The following ZFHX3 variants were observed in gnomAD, a reference collection of about 807,000 sequenced individuals.
The protein encoded by ZFHX3 is zinc finger homeobox protein 3.
Under a neutral mutation model 279.1 loss-of-function variants are expected in ZFHX3, and 42 were observed. That is an observed-to-expected ratio of 0.15 (90% CI 0.12 to 0.19). ZFHX3 has a LOEUF of 0.19. ZFHX3 is among the 10% of genes least tolerant of loss of function. The pLI is 1.00. For missense variants in ZFHX3, 4,981 were observed against 4,754.0 expected (o/e 1.05, Z -1.40); for synonymous variants, 2,293 against 1,957.8 (o/e 1.17, Z -4.52).
At chr16:72,843,074 G>C (rs1326654540) in intron 4 of ZFHX3, among the ~76,000 whole-genome samples, 1 of 152,144 alleles carries the variant, frequency 6.6e-6, no homozygotes, top group East Asian at 1.9e-4. Context: ...AGCAGATCTG[G>C]GAAGGAGGAA....
Position 72,794,404 on chromosome 16 carries a change from T to A in ZFHX3, c.8278A>T (p.Met2760Leu). 1.9e-6 allele frequency: 3 copies of A among 1,609,568 alleles called. No individual in the cohort carries two copies. The highest frequency in any genetic ancestry group is 2.5e-6 in the Non-Finnish European group (3 of 1,177,410). ...MLLDCDGGLQ[M>L]KGDIFDGTSF... Reference sequence around the variant, plus strand: ...GTTCCGTCAAAAATATCTCCTTTCATCTGGAGTCCCCCATCACAGTCTAAG... The same window carrying A: ...GTTCCGTCAAAAATATCTCCTTTCAACTGGAGTCCCCCATCACAGTCTAAG... The change falls in exon 9 of 10, where the codon ATG (methionine) becomes TTG (leucine). Residue 2760 changes from methionine to leucine, a missense_variant. Met to Leu is a conservative substitution (Grantham distance 15, BLOSUM62 2). Coordinates refer to ENST00000268489, the MANE Select transcript of ZFHX3 (RefSeq NM_006885.4). This position sits in a 1 kb window ranked among gnomAD's most constrained non-coding sequence, Gnocchi z 4.2.
At position 73,266,419 on chromosome 16, in the gene ZFHX3, C is replaced by G. The variant is rs79341395; in HGVS notation, c.-1193-9283G>C. The stretch of plus-strand genomic sequence containing the variant: ...TACATACAAGATAACATCTATACTT[C>G]CCTTTTGAGATTCAAGAACTAAATG... On this transcript the variant is annotated intron_variant, in intron 4 of 17. Transcript: ENST00000641206. Among the ~76,000 whole-genome samples, 999 of 152,184 alleles carry G rather than the reference C, an allele frequency of 6.6e-3. 17 individuals are homozygous for G. Among genetic ancestry groups the G allele is most frequent in the African/African-American group, 0.023 (950 of 41,522 alleles).
At chr16:73,099,513 C>A (rs1966204653) in intron 7 of ZFHX3, among the ~76,000 whole-genome samples, 1 of 151,876 alleles carries the variant, frequency 6.6e-6, no homozygotes, top group Admixed American at 6.6e-5. Flanking sequence ...GAGTTTGAGA[C>A]CAGCCTGGCC....
At chr16:73,516,155 G>T (rs144933218) in intron 2 of ZFHX3, among the ~76,000 whole-genome samples, 2 of 152,278 alleles carry the variant, frequency 1.3e-5, no homozygotes, top group East Asian at 3.9e-4. Flanking sequence ...AGCTACACAA[G>T]TCACACGAAT....
chr16:72,871,258 C>T (rs1254482634), intron 4 of ZFHX3, among the ~76,000 whole-genome samples: 2 of 152,120 alleles, frequency 1.3e-5, no homozygotes, highest in Admixed American at 1.3e-4. Flanking sequence ...TCACTGCAAC[C>T]TCTGCCTGCC....
At chr16:73,590,735 T>C (rs1178927762) in intron 2 of ZFHX3, among the ~76,000 whole-genome samples, 1 of 152,190 alleles carries the variant, frequency 6.6e-6, no homozygotes, top group Non-Finnish European at 1.5e-5. Flanking sequence ...TTGAGAAGTT[T>C]TCCAATTAAC....
At chr16:72,990,779 G>A (rs1188018929) in intron 1 of ZFHX3, among the ~76,000 whole-genome samples, 1 of 152,118 alleles carries the variant, frequency 6.6e-6, no homozygotes, top group Non-Finnish European at 1.5e-5. Context: ...CCAGGACTTC[G>A]AGACCAGCCT....
intron 2 of ZFHX3, among the ~76,000 whole-genome samples, chr16:73,495,763 T>G (rs2019130687): frequency 6.6e-6 from 1 of 152,220 alleles, no homozygotes; most frequent in Admixed American, 6.5e-5. Context: ...ATGGCAAAGA[T>G]GGACCAAATG....
chr16:73,821,927 C>T (rs1181027291), intron 1 of ZFHX3, among the ~76,000 whole-genome samples: 2 of 152,168 alleles, frequency 1.3e-5, no homozygotes, highest in East Asian at 3.9e-4. Flanking sequence ...ACGGTCACAA[C>T]CCAAAGACTC....
At chr16:73,471,777 C>T (rs1006952303) in intron 2 of ZFHX3, among the ~76,000 whole-genome samples, 11 of 152,294 alleles carry the variant, frequency 7.2e-5, no homozygotes, top group Non-Finnish European at 5.9e-5. Context: ...AAAGGAGACT[C>T]AAGTATCTCT....
At chr16:73,600,018 C>T (rs943112712) in intron 2 of ZFHX3, among the ~76,000 whole-genome samples, 8 of 152,130 alleles carry the variant, frequency 5.3e-5, no homozygotes, top group Non-Finnish European at 8.8e-5. Flanking sequence ...TTTGGGAGGG[C>T]TGGAGTTGCT....
chr16:73,086,203 CA>C (rs374704048), intron 8 of ZFHX3, among the ~76,000 whole-genome samples: 78 of 152,122 alleles, frequency 5.1e-4, no homozygotes, highest in African/African-American at 1.8e-3. Context: ...ATCAAAACGA[CA>C]AAAAATAGCA....
intron 4 of ZFHX3, among the ~76,000 whole-genome samples, chr16:73,286,830 T>A (rs1413316360): frequency 7.4e-5 from 10 of 135,048 alleles, no homozygotes; most frequent in Non-Finnish European, 1.4e-4. Flanking sequence ...TGGGTCGGTG[T>A]GTGGCTGGTG....
In ZFHX3 at chr16:73,301,974, C is replaced by T. The variant is rs1377927167; in HGVS notation, c.-1194+16266G>A. ...CGACAGAGTCCATGCAAGCCACAAA[C>T]CCACGCAGGTGCGCCCCAACCTGTG... On this transcript the variant is annotated intron_variant, in intron 4 of 17. Coordinates refer to the ZFHX3 transcript ENST00000641206. 2.6e-5 allele frequency among the ~76,000 whole-genome samples: 4 copies of T among 152,088 alleles called. No homozygotes were observed. The South Asian group carries it at 8.3e-4, about 32-fold the overall frequency.
At chr16:72,802,287 A>G (rs1013403823) in intron 7 of ZFHX3, among the ~76,000 whole-genome samples, 3 of 152,152 alleles carry the variant, frequency 2.0e-5, no homozygotes, top group Non-Finnish European at 1.5e-5. Context: ...AGAAAAAAAA[A>G]AGACACCAAT....
chr16:73,509,849 C>A (rs1008861245), intron 2 of ZFHX3, among the ~76,000 whole-genome samples: 1 of 152,122 alleles, frequency 6.6e-6, no homozygotes, highest in Non-Finnish European at 1.5e-5. Flanking sequence ...GGACCCACCA[C>A]CATGCCCGGC....
At chr16:73,743,507 C>T (rs1597091492) in intron 1 of ZFHX3, among the ~76,000 whole-genome samples, 1 of 152,304 alleles carries the variant, frequency 6.6e-6, no homozygotes, top group East Asian at 1.9e-4. Context: ...ACAATATATG[C>T]TACCAGATAA....
At chr16:73,752,537 C>T (rs965115163) in intron 1 of ZFHX3, among the ~76,000 whole-genome samples, 1 of 152,154 alleles carries the variant, frequency 6.6e-6, no homozygotes, top group Non-Finnish European at 1.5e-5. Flanking sequence ...CCTCTCTCTT[C>T]CTGGTCCCCA....
intron 1 of ZFHX3, among the ~76,000 whole-genome samples, chr16:73,732,056 ACT>A (rs1346191438): frequency 6.6e-6 from 1 of 152,176 alleles, no homozygotes; most frequent in Non-Finnish European, 1.5e-5. Flanking sequence ...AATTACTCTA[ACT>A]CTGAATGAAA....
Sources: allele counts gnomAD v4.1 joint callset (sites outside exome capture counted in the v4.1 genomes callset), GRCh38; gene constraint gnomAD v4.1.1; non-coding constraint Gnocchi (gnomAD v3.1); transcripts MANE v1.5; gene names NCBI Gene and HGNC (gene_info 2026-07-23, HGNC 2026-07-21).